The following MUC20 variants were observed in gnomAD, a reference collection of about 807,000 sequenced individuals.
MUC20 encodes mucin 20, cell surface associated.
A neutral mutation model predicts 23.8 loss-of-function variants in MUC20; 14 were observed. The observed-to-expected ratio is 0.59, with a 90% CI of 0.39 to 0.92. The LOEUF is 0.92. Among genes scored for constraint, MUC20 ranks in the 40% least tolerant of loss-of-function variants. The probability of loss-of-function intolerance (pLI) is 0.00; values close to 1 mark genes in which losing one functional copy is unlikely to be tolerated. For synonymous variants in MUC20, 166 were observed against 279.3 expected (o/e 0.59, Z 4.04); for missense variants, 375 against 668.8 (o/e 0.56, Z 4.85).
chr3:195,731,664 C>T (rs568831897), intron 3 of MUC20, among the ~76,000 whole-genome samples: 58 of 152,376 alleles, frequency 3.8e-4, no homozygotes, highest in Non-Finnish European at 5.4e-4. Flanking sequence ...CATAGGTTCT[C>T]GCTGCCTTTT....
chr3:195,728,623 A>C (rs1323433349), intron 2 of MUC20, among the ~76,000 whole-genome samples: 2 of 151,962 alleles, frequency 1.3e-5, no homozygotes, highest in South Asian at 2.1e-4. Flanking sequence ...GCCTTCCTCT[A>C]TCTCAACTGC....
At chr3:195,729,396 A>T (rs1713118052) in intron 2 of MUC20, 1 of 477,590 alleles carries the variant, frequency 2.1e-6, no homozygotes, top group South Asian at 2.6e-5. Context: ...AGATCACCAC[A>T]ACCTCCGCCT....
In MUC20 at chr3:195,726,438, C is replaced by T. The variant is rs370118314; in HGVS notation, c.1835C>T (p.Pro612Leu). 3.2e-5 allele frequency: 52 copies of T among 1,613,902 alleles called. No individual in the cohort carries two copies. The highest frequency in any genetic ancestry group is 1.8e-4 in the Admixed American group (11 of 60,012). Reference protein sequence around the residue: ...TSRDPLPSVPPTTTNSSRGTN... With the variant: ...TSRDPLPSVPLTTTNSSRGTN... The stretch of plus-strand genomic sequence containing the variant: ...AGGGACCCTCTTCCTTCTGTCCCTC[C>T]GACTACAACCAACAGCAGCCGAGGG... The change falls in exon 2 of 4, where the codon CCG (proline) becomes CTG (leucine). Residue 612 changes from proline (P) to leucine (L), a missense_variant. Transcript: ENST00000447234.
At chr3:195,728,927 A>G (rs1032994578) in intron 2 of MUC20, among the ~76,000 whole-genome samples, 1 of 152,244 alleles carries the variant, frequency 6.6e-6, no homozygotes, top group Non-Finnish European at 1.5e-5. Flanking sequence ...TTAAACCTTG[A>G]TTTTATACAA....
Position 195,733,416 on chromosome 3 carries a change from G to A in MUC20, c.*198G>A, listed in dbSNP as rs712010. ...CGCTCACATCCACCGGAGTGTATGT[G>A]TGGGGAGGGGCTTCACCTGTTCCCA... On this transcript the variant is annotated 3_prime_UTR_variant, in exon 4 of 4. Coordinates refer to ENST00000447234, the MANE Select transcript of MUC20 (RefSeq NM_001282506.2). The A allele has an allele frequency of 0.42, 600,211 of 1,417,726 alleles. 83,182 individuals are homozygous for A. The highest frequency in any genetic ancestry group is 0.71 in the East Asian group (28,221 of 39,556). The allele number at this position is 1,417,726 out of a possible 1,614,324, so 87.8% of individuals were successfully genotyped here.
intron 1 of MUC20, among the ~76,000 whole-genome samples, 196 bp downstream of exon 1, chr3:195,721,279 CGCT>C (rs1712062412): frequency 6.6e-6 from 1 of 151,846 alleles, no homozygotes; most frequent in African/African-American, 2.4e-5. Context: ...GCGTGCATGG[CGCT>C]GCAGTACACA....
At chr3:195,727,260 C>T (rs962543889) in intron 2 of MUC20, among the ~76,000 whole-genome samples, 15 of 152,212 alleles carry the variant, frequency 9.9e-5, no homozygotes, top group Admixed American at 2.6e-4. Flanking sequence ...ATTAGCTGGG[C>T]GCAGTGGTGG....
intron 2 of MUC20, 171 bp from the exon 3 acceptor site, chr3:195,729,477 C>T (rs1173691867): frequency 4.1e-5 from 27 of 656,696 alleles, no homozygotes; most frequent in Middle Eastern, 4.0e-4. Flanking sequence ...CCACCATGCC[C>T]GGCTCATTTT....
chr3:195,727,325 G>A (rs1216940952), intron 2 of MUC20, among the ~76,000 whole-genome samples: 8 of 152,272 alleles, frequency 5.3e-5, no homozygotes, highest in African/African-American at 1.4e-4. Flanking sequence ...ACTTGAACCC[G>A]GGAGGTGGAG....
Position 195,729,628 on chromosome 3 carries a change from T to A in MUC20, c.1970-20T>A. ...ACTGCGCCCAGCCCTGATTTTCATC[T>A]TACTGTTCTCCATTTGCAGGTGAAA... On this transcript the variant is annotated intron_variant, in intron 2 of 3. Coordinates refer to ENST00000447234, the MANE Select transcript of MUC20 (RefSeq NM_001282506.2). 1 of 1,561,864 alleles carries A rather than the reference T, an allele frequency of 6.4e-7. No individual in the cohort carries two copies. Among genetic ancestry groups the A allele is most frequent in the Non-Finnish European group, 8.7e-7 (1 of 1,151,674 alleles).
intron 2 of MUC20, among the ~76,000 whole-genome samples, chr3:195,728,681 G>A (rs544257681): frequency 8.5e-5 from 13 of 152,182 alleles, no homozygotes; most frequent in South Asian, 8.3e-4. Flanking sequence ...GACCCTTTAC[G>A]GGTGTCAGCC....
At chr3:195,728,759 G>A (rs1431964426) in intron 2 of MUC20, among the ~76,000 whole-genome samples, 2 of 152,086 alleles carry the variant, frequency 1.3e-5, no homozygotes, top group Non-Finnish European at 2.9e-5. Context: ...GAGAAAGCTT[G>A]GACAATAACC....
chr3:195,726,444 C>T lies in MUC20; in HGVS notation c.1841C>T (p.Thr614Ile), dbSNP rs759367297. 6.2e-7 allele frequency: 1 copy of T among 1,613,918 alleles called. No homozygotes were observed. The highest frequency in any genetic ancestry group is 2.2e-5 in the East Asian group (1 of 44,906). The change falls in exon 2 of 4, where the codon ACA becomes ATA. Residue 614 changes from threonine (T) to isoleucine (I), a missense_variant. Physicochemically the swap from Thr to Ile is moderately conservative, Grantham distance 89. Around this residue, in one of 4 missense-constraint regions of MUC20, gnomAD observed 343 missense variants for 340.2 expected, o/e 1.01. Transcript: ENST00000447234. ...RDPLPSVPPT[T>I]TNSSRGTNST... Reference sequence around the variant, plus strand: ...CCTCTTCCTTCTGTCCCTCCGACTACAACCAACAGCAGCCGAGGGACGAAC... The same window carrying T: ...CCTCTTCCTTCTGTCCCTCCGACTATAACCAACAGCAGCCGAGGGACGAAC...
chr3:195,732,089 C>T (rs1316866608), intron 3 of MUC20, among the ~76,000 whole-genome samples: 5 of 152,220 alleles, frequency 3.3e-5, no homozygotes, highest in South Asian at 2.1e-4. Flanking sequence ...CCACAACCTC[C>T]GCCTCCCAGG....
At chr3:195,728,153 A>C (rs866911262) in intron 2 of MUC20, among the ~76,000 whole-genome samples, 1 of 152,266 alleles carries the variant, frequency 6.6e-6, no homozygotes, top group Non-Finnish European at 1.5e-5. Flanking sequence ...GGGTGGGATG[A>C]GAGACTGAGA....
chr3:195,733,022 G>T, intron 3 of MUC20, 128 bp from the exon 4 acceptor site: 1 of 957,410 alleles, frequency 1.0e-6, no homozygotes, highest in Non-Finnish European at 1.6e-6. Context: ...TGTCCAGCAT[G>T]TAGGAGGCCC....
intron 2 of MUC20, among the ~76,000 whole-genome samples, chr3:195,727,437 T>C (rs1712814889): frequency 6.6e-6 from 1 of 152,276 alleles, no homozygotes; most frequent in African/African-American, 2.4e-5. Flanking sequence ...GCTACATCTC[T>C]GAGGCAACAG....
intron 2 of MUC20, chr3:195,729,257 T>A (rs1444490646): frequency 4.5e-6 from 1 of 224,576 alleles, no homozygotes; most frequent in Non-Finnish European, 8.9e-6. Flanking sequence ...TGTGTGTAAT[T>A]TTCTGCACAT....
At chr3:195,729,484 T>G in intron 2 of MUC20, 164 bp from the exon 3 acceptor site, 43 of 658,024 alleles carry the variant, frequency 6.5e-5, no homozygotes, top group Middle Eastern at 4.1e-4. Context: ...GCCCGGCTCA[T>G]TTTGTGTTTT....
Sources: gnomAD v4.1 joint callset for allele counts (sites outside exome capture counted in the v4.1 genomes callset) on GRCh38, gnomAD v4.1.1 for gene constraint, gnomAD v4.1.1 regional missense constraint, MANE v1.5 for transcripts, NCBI Gene and HGNC (gene_info 2026-07-23, HGNC 2026-07-21) for gene names.